Variants in KCNT2 observed in about 807,000 individuals in gnomAD.
KCNT2 encodes potassium channel subfamily T member 2.
Under a neutral mutation model 153.8 loss-of-function variants are expected in KCNT2, and 67 were observed. The observed-to-expected ratio is 0.44, with a 90% confidence interval of 0.36 to 0.53. The LOEUF is 0.53. Ranked by LOEUF, KCNT2 falls within the 20% of genes least tolerant of loss-of-function variation. The pLI, the probability that KCNT2 is intolerant of heterozygous loss-of-function variation, is 0.00. For missense variants in KCNT2, 975 were observed against 1,354.8 expected, an observed-to-expected ratio of 0.72 and a Z score of 4.40; for synonymous variants, 500 against 458.8, an observed-to-expected ratio of 1.09 and a Z score of -1.15.
At chr1:196,479,093 C>G (rs909182207) in intron 5 of KCNT2, 86 bp downstream of exon 5, 20 of 861,548 alleles carry the variant, frequency 2.3e-5, no homozygotes, top group Non-Finnish European at 3.5e-5. Flanking sequence ...GCCTTACCTT[C>G]CAGTGCGAAC....
rs114837648 is a variant in KCNT2, at chr1:196,246,768, T to C, written c.3212-10698A>G. Among the ~76,000 whole-genome samples the C allele has an allele frequency of 4.0e-3, 615 of 151,932 alleles. 3 individuals carry two copies. Among genetic ancestry groups the C allele is most frequent in the African/African-American group, 0.013 (556 of 41,454 alleles). On this transcript the variant is annotated intron_variant, in intron 26 of 27. Transcript: ENST00000294725. The stretch of plus-strand genomic sequence containing the variant: ...TCATGGTATTTCAAATCAAAAAACA[T>C]ACAACAGATACATGATAAATAAAAA...
chr1:196,420,221 T>C (rs946631366), intron 12 of KCNT2, among the ~76,000 whole-genome samples: 5 of 152,008 alleles, frequency 3.3e-5, no homozygotes, highest in East Asian at 1.9e-4. Flanking sequence ...TTGTTTTGTT[T>C]TGTGATCTAG....
Position 196,428,180 on chromosome 1 carries a change from G to A in KCNT2, c.909C>T (p.Val303=). 2 of 1,612,186 alleles carry A rather than the reference G, an allele frequency of 1.2e-6. No homozygotes were observed. The highest frequency in any genetic ancestry group is 2.2e-5 in the South Asian group (2 of 91,022). The change falls in exon 10 of 28, where the codon GTC becomes GTT. Residue 303 remains valine (V), a synonymous_variant. Transcript: ENST00000294725. The stretch of plus-strand genomic sequence containing the variant: ...CAATCTTCAGTGAGCTGACACACAG[G>A]ACGACATGCTTTTCAGTTTGAGCTC... The part of the protein sequence containing the change: ...RHRAQTEKHV[V]LCVSSLKIDL...
At chr1:196,234,405 T>C (rs1300933625) in intron 27 of KCNT2, among the ~76,000 whole-genome samples, 1 of 151,316 alleles carries the variant, frequency 6.6e-6, no homozygotes, top group Non-Finnish European at 1.5e-5. Flanking sequence ...AAACTTCTTT[T>C]TCAATTCCCA....
At chr1:196,277,507 A>T (rs150258333) in intron 25 of KCNT2, among the ~76,000 whole-genome samples, 1 of 152,286 alleles carries the variant, frequency 6.6e-6, no homozygotes, top group African/African-American at 2.4e-5. Flanking sequence ...GAGGCCACAG[A>T]CCACTTCCAT....
At chr1:196,580,120 AC>A (rs1368873695) in intron 1 of KCNT2, among the ~76,000 whole-genome samples, 5 of 152,306 alleles carry the variant, frequency 3.3e-5, no homozygotes, top group Non-Finnish European at 7.4e-5. Flanking sequence ...CTTCACCAAT[AC>A]AAAAGAATAA....
intron 25 of KCNT2, among the ~76,000 whole-genome samples, chr1:196,260,852 T>A (rs962763371): frequency 2.2e-4 from 34 of 151,986 alleles, no homozygotes; most frequent in African/African-American, 7.2e-4. Context: ...CATCTTCTAT[T>A]TGACAGAAAT....
At chr1:196,267,051 A>G (rs1337036938) in intron 25 of KCNT2, among the ~76,000 whole-genome samples, 4 of 152,130 alleles carry the variant, frequency 2.6e-5, no homozygotes, top group Non-Finnish European at 5.9e-5. Flanking sequence ...CTTTATCTTC[A>G]AAAGAACTCA....
At chr1:196,298,000 C>T (rs1304029117) in intron 22 of KCNT2, among the ~76,000 whole-genome samples, 1 of 152,058 alleles carries the variant, frequency 6.6e-6, no homozygotes, top group East Asian at 1.9e-4. Context: ...TAAATTTTGC[C>T]TTCTTACTAT....
At chr1:196,404,217 C>T in intron 12 of KCNT2, 10 of 671,344 alleles carry the variant, frequency 1.5e-5, no homozygotes, top group African/African-American at 3.9e-5. Flanking sequence ...GCACCAGTGC[C>T]ACAGCCTAAT....
Position 196,235,814 on chromosome 1 carries a change from T to G in KCNT2, c.3296+172A>C, listed in dbSNP as rs192873552. ...TATACTGCTTTTAAACAATCATATT[T>G]TTATATTGCACACAACACATGAAAT... On this transcript the variant is annotated intron_variant, in intron 27 of 27. Coordinates refer to ENST00000294725, the MANE Select transcript of KCNT2 (RefSeq NM_198503.5). Among the ~76,000 whole-genome samples, 4 of 151,628 alleles carry G rather than the reference T, an allele frequency of 2.6e-5. No homozygotes were observed. The East Asian group carries it at 7.7e-4, about 29-fold the overall frequency.
In KCNT2 at chr1:196,373,217, G is replaced by A. The variant is rs775032546; in HGVS notation, c.1326C>T (p.Tyr442=). 2.6e-5 allele frequency: 40 copies of A among 1,565,272 alleles called. No individual in the cohort carries two copies. Among genetic ancestry groups the A allele is most frequent in the South Asian group, 2.0e-4 (18 of 89,750 alleles). The part of the protein sequence containing the change: ...DHVVCEEEFK[Y]AMLALNCICP... Reference sequence around the variant, plus strand: ...ATATACAGTTTAAAGCTAACATGGCGTATTTAAACTCTTCTTCACAAACAA... The same window carrying A: ...ATATACAGTTTAAAGCTAACATGGCATATTTAAACTCTTCTTCACAAACAA... Residue 442 remains tyrosine, a synonymous_variant, in exon 14 of 28, where the codon TAC becomes TAT. Transcript: ENST00000294725.
intron 15 of KCNT2, 83 bp downstream of exon 15, chr1:196,341,996 A>G: frequency 2.2e-6 from 3 of 1,393,936 alleles, no homozygotes; most frequent in Admixed American, 4.0e-5. Flanking sequence ...TGAACACAAT[A>G]TGCATTCTAT....
intron 26 of KCNT2, chr1:196,257,450 G>T: frequency 2.1e-6 from 2 of 975,392 alleles, no homozygotes; most frequent in Non-Finnish European, 2.4e-6. Flanking sequence ...TGAGTTCCTG[G>T]TTTACCATGT....
intron 14 of KCNT2, among the ~76,000 whole-genome samples, chr1:196,364,995 C>A (rs1476793196): frequency 6.6e-6 from 1 of 152,014 alleles, no homozygotes; most frequent in African/African-American, 2.4e-5. Context: ...TAAAATATAG[C>A]ATTGGAATTC....
At chr1:196,491,340 G>A (rs1679845448) in intron 2 of KCNT2, among the ~76,000 whole-genome samples, 1 of 151,966 alleles carries the variant, frequency 6.6e-6, no homozygotes, top group African/African-American at 2.4e-5. Context: ...TATCTGAGCA[G>A]TATGACTTAA....
intron 8 of KCNT2, among the ~76,000 whole-genome samples, chr1:196,446,761 T>G (rs899676945): frequency 1.3e-5 from 2 of 151,596 alleles, no homozygotes; most frequent in Non-Finnish European, 3.0e-5. Flanking sequence ...TAATAGTTAT[T>G]AAGCTACTAA....
chr1:196,576,086 A>ATGTG (rs1257515766), intron 1 of KCNT2, among the ~76,000 whole-genome samples: 22 of 150,454 alleles, frequency 1.5e-4, no homozygotes, highest in African/African-American at 5.4e-4. Flanking sequence ...ATATATATAT[A>ATGTG]TATATGTGTG....
At chr1:196,385,773 A>T (rs1337926625) in intron 13 of KCNT2, among the ~76,000 whole-genome samples, 2 of 119,240 alleles carry the variant, frequency 1.7e-5, no homozygotes, top group African/African-American at 6.0e-5. Context: ...CATTAAAAAA[A>T]TATATATATA....
Sources: allele counts gnomAD v4.1 joint callset (sites outside exome capture counted in the v4.1 genomes callset), GRCh38; gene constraint gnomAD v4.1.1; transcripts MANE v1.5; gene names NCBI Gene and HGNC (gene_info 2026-07-23, HGNC 2026-07-21).